The following CDH12 variants were observed in gnomAD, a reference collection of about 807,000 sequenced individuals.
CDH12 encodes the protein cadherin-12.
In CDH12, 41 loss-of-function variants were observed where a neutral mutation model predicts 74.1. The observed-to-expected ratio is 0.55, with a 90% CI of 0.43 to 0.72. The LOEUF (loss-of-function observed/expected upper bound fraction) is 0.72, where lower values mean the gene tolerates loss of function less well. Among genes scored for constraint, CDH12 ranks in the 30% least tolerant of loss-of-function variants. The pLI is 0.00. For missense variants in CDH12, 945 were observed against 977.2 expected, an observed-to-expected ratio of 0.97 and a Z score of 0.44; for synonymous variants, 399 against 355.0, an observed-to-expected ratio of 1.12 and a Z score of -1.39.
At chr5:22,320,377 T>C (rs901656132) in intron 3 of CDH12, among the ~76,000 whole-genome samples, 7 of 152,176 alleles carry the variant, frequency 4.6e-5, no homozygotes, top group African/African-American at 1.7e-4. Context: ...AAATGGATTA[T>C]TTGATTCATG....
intron 1 of CDH12, among the ~76,000 whole-genome samples, chr5:22,525,809 A>C (rs1737247722): frequency 1.3e-5 from 2 of 152,196 alleles, no homozygotes; most frequent in Admixed American, 1.3e-4. Context: ...CCTGGTGTTA[A>C]AAATTTACCC....
intron 1 of CDH12, among the ~76,000 whole-genome samples, chr5:22,727,666 T>G (rs1403240976): frequency 6.6e-6 from 1 of 151,780 alleles, no homozygotes; most frequent in Non-Finnish European, 1.5e-5. Flanking sequence ...TTCTTCTGCC[T>G]GAAAATGTTT....
intron 1 of CDH12, among the ~76,000 whole-genome samples, chr5:22,604,274 G>A (rs1226797943): frequency 6.6e-6 from 1 of 152,112 alleles, no homozygotes; most frequent in African/African-American, 2.4e-5. Context: ...TATTTATTGG[G>A]TTCTCCCATG....
At chr5:22,475,029 C>A (rs948342252) in intron 2 of CDH12, among the ~76,000 whole-genome samples, 17 of 150,910 alleles carry the variant, frequency 1.1e-4, no homozygotes, top group Admixed American at 6.7e-4. Flanking sequence ...GGAAGCAAGT[C>A]CTGAATGGTT....
In CDH12 at chr5:22,521,418, CTTATA is replaced by C. The variant is rs143496451; in HGVS notation, c.-522-16059_-522-16055del. 8.0e-3 allele frequency among the ~76,000 whole-genome samples: 1,210 copies of C among 152,050 alleles called. 18 individuals are homozygous for C. The highest frequency in any genetic ancestry group is 0.027 in the African/African-American group (1,132 of 41,468). ...TAGAAAGTATATTAAAATTGTGGAA[CTTATA>C]TTTAGTTAGGTCTTTAGTAAAAATT... On this transcript the variant is annotated intron_variant, in intron 1 of 14. Coordinates refer to ENST00000382254, the MANE Select transcript of CDH12 (RefSeq NM_004061.5).
chr5:22,350,391 C>T (rs541857909), intron 3 of CDH12, among the ~76,000 whole-genome samples: 9 of 152,180 alleles, frequency 5.9e-5, no homozygotes, highest in Non-Finnish European at 7.4e-5. Context: ...ACTTGAACTA[C>T]GCAGTCAGAA....
At chr5:21,993,229 A>G in intron 5 of CDH12, among the ~76,000 whole-genome samples, 1 of 152,168 alleles carries the variant, frequency 6.6e-6, no homozygotes, top group East Asian at 1.9e-4. Context: ...TGAATTTTCA[A>G]TTATGACTGA....
intron 6 of CDH12, among the ~76,000 whole-genome samples, chr5:21,929,249 T>C (rs573372601): frequency 6.6e-6 from 1 of 152,074 alleles, no homozygotes; most frequent in African/African-American, 2.4e-5. Flanking sequence ...GCACATTACA[T>C]TTACTGTGCT....
chr5:22,400,704 C>T (rs1414843589), intron 3 of CDH12, among the ~76,000 whole-genome samples: 3 of 152,058 alleles, frequency 2.0e-5, no homozygotes, highest in African/African-American at 4.8e-5. Context: ...CAATGAAATG[C>T]TTTTTAGCCC....
intron 4 of CDH12, among the ~76,000 whole-genome samples, chr5:22,200,985 C>T (rs1179704796): frequency 6.6e-6 from 1 of 152,116 alleles, no homozygotes; most frequent in Non-Finnish European, 1.5e-5. Context: ...ATTTGCACTC[C>T]ACTTGTAGGG....
intron 3 of CDH12, among the ~76,000 whole-genome samples, chr5:22,277,219 G>T (rs1317695869): frequency 2.0e-5 from 3 of 152,148 alleles, no homozygotes; most frequent in Non-Finnish European, 4.4e-5. Context: ...TGCCAAGGTT[G>T]GCTCTGCTTC....
intron 2 of CDH12, among the ~76,000 whole-genome samples, chr5:22,497,091 A>C (rs1244170924): frequency 6.6e-6 from 1 of 152,218 alleles, no homozygotes; most frequent in African/African-American, 2.4e-5. Flanking sequence ...AATTCTTATG[A>C]GGATTAATTA....
At chr5:21,860,612 G>A (rs894814605) in intron 6 of CDH12, among the ~76,000 whole-genome samples, 2 of 152,064 alleles carry the variant, frequency 1.3e-5, no homozygotes, top group Admixed American at 6.6e-5. Context: ...AGCTGCCAGT[G>A]CAGCTAGAAT....
intron 2 of CDH12, among the ~76,000 whole-genome samples, chr5:22,410,005 T>C (rs1418434191): frequency 6.6e-6 from 1 of 152,128 alleles, no homozygotes; most frequent in South Asian, 2.1e-4. Flanking sequence ...CAAATTATTT[T>C]TTATTACAAT....
At chr5:22,757,220 C>T (rs924281437) in intron 1 of CDH12, among the ~76,000 whole-genome samples, 2 of 152,060 alleles carry the variant, frequency 1.3e-5, no homozygotes, top group Non-Finnish European at 2.9e-5. Context: ...CACATACCAC[C>T]CCTGGAATGG....
chr5:22,399,615 T>G (rs1398414562), intron 3 of CDH12, among the ~76,000 whole-genome samples: 1 of 152,152 alleles, frequency 6.6e-6, no homozygotes, highest in Non-Finnish European at 1.5e-5. Flanking sequence ...AGGTAATTCC[T>G]GCCAGAGAGT....
chr5:22,804,715 C>T (rs1748698541), intron 1 of CDH12, among the ~76,000 whole-genome samples: 1 of 152,154 alleles, frequency 6.6e-6, no homozygotes, highest in Non-Finnish European at 1.5e-5. Context: ...ACCAGACCAA[C>T]AAAATACCTT....
At chr5:22,412,032 T>G (rs1472713364) in intron 2 of CDH12, among the ~76,000 whole-genome samples, 1 of 152,180 alleles carries the variant, frequency 6.6e-6, no homozygotes, top group East Asian at 1.9e-4. Context: ...CAATTGTTTC[T>G]AATTAAAAAA....
chr5:22,213,330 G>T (rs1751650618), intron 3 of CDH12, among the ~76,000 whole-genome samples: 1 of 151,698 alleles, frequency 6.6e-6, no homozygotes, highest in African/African-American at 2.4e-5. Context: ...AGCCTTGCTT[G>T]TGTAGTTTTC....
Sources: gnomAD v4.1 joint callset for allele counts (sites outside exome capture counted in the v4.1 genomes callset) on GRCh38, gnomAD v4.1.1 for gene constraint, MANE v1.5 for transcripts, NCBI Gene and HGNC (gene_info 2026-07-23, HGNC 2026-07-21) for gene names.